Variants in ESR1 observed in about 807,000 individuals in gnomAD.
The protein encoded by ESR1 is estrogen receptor 1.
In ESR1, 12 loss-of-function variants were observed where a neutral mutation model predicts 52.7. That is an observed-to-expected ratio of 0.23 (90% CI 0.15 to 0.37). ESR1 has a LOEUF of 0.37. Ranked by LOEUF, ESR1 falls within the 10% of genes least tolerant of loss-of-function variation. The pLI is 1.00. For synonymous variants in ESR1, 305 were observed against 316.8 expected (o/e 0.96, Z 0.39); for missense variants, 584 against 779.7 (o/e 0.75, Z 2.99).
chr6:151,761,840 T>C (rs1245251246), intron 2 of ESR1, among the ~76,000 whole-genome samples: 5 of 152,286 alleles, frequency 3.3e-5, no homozygotes, highest in South Asian at 4.1e-4. Context: ...GGGTGTGTTA[T>C]GACACTGAAG....
intron 4 of ESR1, among the ~76,000 whole-genome samples, chr6:151,957,169 G>A (rs542486654): frequency 1.1e-3 from 172 of 152,024 alleles, no homozygotes; most frequent in Admixed American, 1.9e-3. Flanking sequence ...GAACCACCAC[G>A]TGCGACCCAC....
intron 2 of ESR1, among the ~76,000 whole-genome samples, chr6:151,767,338 C>G (rs1176101821): frequency 6.6e-6 from 1 of 152,160 alleles, no homozygotes; most frequent in Non-Finnish European, 1.5e-5. Context: ...CATGCAAATT[C>G]TATTGCAGAT....
chr6:151,848,958 T>G (rs1583647524), intron 2 of ESR1, among the ~76,000 whole-genome samples: 1 of 152,226 alleles, frequency 6.6e-6, no homozygotes, highest in South Asian at 2.1e-4. Flanking sequence ...TTTTATTTAT[T>G]TTTTGCTATT....
At chr6:151,959,970 G>A (rs2037462347) in intron 4 of ESR1, among the ~76,000 whole-genome samples, 1 of 152,132 alleles carries the variant, frequency 6.6e-6, no homozygotes, top group Non-Finnish European at 1.5e-5. Context: ...AATCCATGGA[G>A]CCAATAGAAT....
chr6:151,756,245 A>C (rs1784275025), intron 2 of ESR1, among the ~76,000 whole-genome samples: 1 of 149,720 alleles, frequency 6.7e-6, no homozygotes, highest in Non-Finnish European at 1.5e-5. Context: ...TTTTTTTCCT[A>C]TCTCACTTTC....
intron 2 of ESR1, among the ~76,000 whole-genome samples, chr6:151,778,407 C>CTTT (rs34516184): frequency 1.4e-5 from 2 of 142,650 alleles, no homozygotes; most frequent in Non-Finnish European, 1.5e-5. Context: ...ATATTTACAA[C>CTTT]TTTTTTTTTT....
chr6:151,839,005 C>A lies in ESR1; in HGVS notation c.453-3592C>A, dbSNP rs78539392. 3.0e-3 allele frequency among the ~76,000 whole-genome samples: 460 copies of A among 152,052 alleles called. 6 individuals are homozygous for A. The East Asian group carries it at 0.031, about 10-fold the overall frequency. ...ACATATTCTATCTATATTGTGGAAA[C>A]TATACATTTATTGATTCAGTCATTT... On this transcript the variant is annotated intron_variant, in intron 1 of 7. Coordinates refer to ENST00000206249, the MANE Select transcript of ESR1 (RefSeq NM_000125.4).
chr6:152,070,855 A>C (rs1585102296), intron 6 of ESR1, among the ~76,000 whole-genome samples: 1 of 138,968 alleles, frequency 7.2e-6, no homozygotes, highest in African/African-American at 3.1e-5. Context: ...TTTTTACTTT[A>C]GATGTGCTTT....
At chr6:152,056,327 C>A (rs1003650648) in intron 5 of ESR1, among the ~76,000 whole-genome samples, 4 of 152,170 alleles carry the variant, frequency 2.6e-5, no homozygotes, top group African/African-American at 7.2e-5. Flanking sequence ...TAATTTGTTA[C>A]CTTTTTAAAA....
intron 4 of ESR1, among the ~76,000 whole-genome samples, chr6:152,005,273 CAA>C (rs2128754216): frequency 6.6e-6 from 1 of 152,044 alleles, no homozygotes; most frequent in South Asian, 2.1e-4. Flanking sequence ...GTATTTTAGG[CAA>C]AATATAATCC....
chr6:152,068,168 A>G (rs1376223717), intron 6 of ESR1, among the ~76,000 whole-genome samples: 1 of 152,240 alleles, frequency 6.6e-6, no homozygotes, highest in Non-Finnish European at 1.5e-5. Context: ...CTCTCCCAGC[A>G]CTTGCTTGCG....
intron 1 of ESR1, among the ~76,000 whole-genome samples, chr6:151,664,957 T>C (rs1198616827): frequency 2.0e-5 from 3 of 152,238 alleles, no homozygotes; most frequent in Non-Finnish European, 2.9e-5. Context: ...TTCCAATTAC[T>C]GCCTCCAATT....
chr6:152,045,243 C>T (rs558166167), intron 5 of ESR1, among the ~76,000 whole-genome samples: 3 of 152,296 alleles, frequency 2.0e-5, no homozygotes, highest in South Asian at 2.1e-4. Context: ...CTTTAATTGA[C>T]GAACCTGGTA....
intron 6 of ESR1, among the ~76,000 whole-genome samples, chr6:152,085,020 CAG>C (rs2049584094): frequency 6.6e-6 from 1 of 152,184 alleles, no homozygotes; most frequent in Non-Finnish European, 1.5e-5. Context: ...CATTGGCAGG[CAG>C]AGTTTATAAC....
At position 151,792,316 on chromosome 6, in the gene ESR1, G is replaced by A. The variant is rs377734366; in HGVS notation, c.-70-15527G>A. On this transcript the variant is annotated intron_variant, in intron 2 of 2. Coordinates refer to the ESR1 transcript ENST00000404742. ...GAATGTGAAGGCCTAGGGCATTATT[G>A]TATGCTACTGTAAACTTTATAAACA... Among the ~76,000 whole-genome samples, 9 of 152,194 alleles carry A rather than the reference G, an allele frequency of 5.9e-5. 2 individuals are homozygous for A. Among genetic ancestry groups the A allele is most frequent in the East Asian group, 3.9e-4 (2 of 5,184 alleles).
At chr6:152,021,217 G>A (rs1241973854) in intron 5 of ESR1, among the ~76,000 whole-genome samples, 2 of 152,110 alleles carry the variant, frequency 1.3e-5, no homozygotes, top group Non-Finnish European at 2.9e-5. Context: ...GCAGAAAAAC[G>A]TGAAAGGGGA....
intron 5 of ESR1, among the ~76,000 whole-genome samples, chr6:152,054,423 G>C (rs1262822853): frequency 6.6e-6 from 1 of 151,998 alleles, no homozygotes; most frequent in Non-Finnish European, 1.5e-5. Flanking sequence ...GAATAGCCCT[G>C]ATTTCTCTTT....
At chr6:151,880,534 G>T in intron 2 of ESR1, 121 bp from the exon 3 acceptor site, 1 of 767,948 alleles carries the variant, frequency 1.3e-6, no homozygotes, top group East Asian at 2.4e-5. Context: ...AGGCAGGCTG[G>T]GGAGCAACAT....
rs186301288 is a variant in ESR1, at chr6:151,929,270, A to G, written c.761-14903A>G. Among the ~76,000 whole-genome samples, 290 of 152,304 alleles carry G rather than the reference A, an allele frequency of 1.9e-3. 1 individual carries two copies. Among genetic ancestry groups the G allele is most frequent in the African/African-American group, 6.8e-3 (281 of 41,572 alleles). On this transcript the variant is annotated intron_variant, in intron 3 of 7. Transcript: ENST00000206249. Reference sequence around the variant, plus strand: ...GTTAGGTATACACATATATACACATATTTATGATTGTTGTATCATCTTGAA... The same window carrying G: ...GTTAGGTATACACATATATACACATGTTTATGATTGTTGTATCATCTTGAA...
Sources: allele counts gnomAD v4.1 joint callset (sites outside exome capture counted in the v4.1 genomes callset), GRCh38; gene constraint gnomAD v4.1.1; transcripts MANE v1.5; gene names NCBI Gene and HGNC (gene_info 2026-07-23, HGNC 2026-07-21).